Variants in UTRN observed in about 807,000 individuals in gnomAD.
UTRN encodes the protein utrophin.
A neutral mutation model predicts 463.9 loss-of-function variants in UTRN; 283 were observed. The observed-to-expected ratio is 0.61, with a 90% CI of 0.55 to 0.67. UTRN has a LOEUF of 0.67. UTRN is among the 30% of genes least tolerant of loss of function. The pLI, the probability that UTRN is intolerant of heterozygous loss-of-function variation, is 0.00. For missense variants in UTRN, 3,922 were observed against 4,084.3 expected (o/e 0.96, Z 1.08); for synonymous variants, 1,442 against 1,431.5 (o/e 1.01, Z -0.17).
chr6:144,342,824 A>G (rs982644163), intron 2 of UTRN, among the ~76,000 whole-genome samples: 1 of 152,230 alleles, frequency 6.6e-6, no homozygotes, highest in African/African-American at 2.4e-5. Context: ...TGAATTATAT[A>G]TCAATAAAGT....
At chr6:144,809,917 T>C (rs1388030603) in intron 65 of UTRN, among the ~76,000 whole-genome samples, 1 of 152,114 alleles carries the variant, frequency 6.6e-6, no homozygotes, top group East Asian at 1.9e-4. Context: ...AGCATACGAA[T>C]TGATTTAATA....
At chr6:144,651,942 G>A (rs1022103573) in intron 51 of UTRN, among the ~76,000 whole-genome samples, 3 of 152,108 alleles carry the variant, frequency 2.0e-5, no homozygotes, top group East Asian at 1.9e-4. Context: ...TGTATCCAAT[G>A]TGTAGTCTTT....
At chr6:144,670,544 A>G (rs544553560) in intron 51 of UTRN, among the ~76,000 whole-genome samples, 63 of 151,930 alleles carry the variant, frequency 4.1e-4, no homozygotes, top group Non-Finnish European at 6.3e-4. Flanking sequence ...TGCTGGATGC[A>G]TAGTTTGTGA....
chr6:144,342,342 TACACACAC>T (rs55809792), intron 2 of UTRN, among the ~76,000 whole-genome samples: 9,506 of 138,278 alleles, frequency 0.069, 966 homozygotes, highest in African/African-American at 0.23. Flanking sequence ...GGTACACACA[TACACACAC>T]ACACACACAC....
chr6:144,516,956 G>A lies in UTRN; in HGVS notation c.5541+8G>A. 1 of 1,457,866 alleles carries A rather than the reference G, an allele frequency of 6.9e-7. No individual in the cohort carries two copies. The allele number at this position is 1,457,866 out of a possible 1,614,324, so 90.3% of individuals were successfully genotyped here. A position where few individuals can be genotyped will look rare whatever the true frequency, so the allele number is the denominator to read the frequency against. On this transcript the variant is annotated splice_region_variant and intron_variant, in intron 39 of 74. Coordinates refer to ENST00000367545, the MANE Select transcript of UTRN (RefSeq NM_007124.3). ...AGATACAACAAAATTAAGGTATTAT[G>A]ATTGGAGAGTCTCTGTTGCATTTAA...
chr6:144,828,769 C>G (rs1484521329), intron 68 of UTRN, 21 bp from the exon 69 acceptor site: 1 of 1,612,368 alleles, frequency 6.2e-7, no homozygotes, highest in East Asian at 2.2e-5. Context: ...GTTGTCTAAC[C>G]TCCTTATTTT....
chr6:144,723,446 C>T (rs1225939264), intron 53 of UTRN, among the ~76,000 whole-genome samples: 1 of 152,148 alleles, frequency 6.6e-6, no homozygotes, highest in Non-Finnish European at 1.5e-5. Flanking sequence ...TTATTGAGTG[C>T]TTTCTATATA....
chr6:144,429,748 G>A lies in UTRN; in HGVS notation c.855+7G>A. 6.2e-7 allele frequency: 1 copy of A among 1,602,728 alleles called. No individual in the cohort carries two copies. Among genetic ancestry groups the A allele is most frequent in the Non-Finnish European group, 8.5e-7 (1 of 1,176,782 alleles). ...AGAGGCAATTAATATACAGGTACAG[G>A]TAACATTTTATTAAGATGTTTGGCT... On this transcript the variant is annotated splice_region_variant and intron_variant, in intron 9 of 74. Transcript: ENST00000367545.
At chr6:144,643,137 T>A (rs1268512388) in intron 51 of UTRN, among the ~76,000 whole-genome samples, 1 of 152,088 alleles carries the variant, frequency 6.6e-6, no homozygotes, top group African/African-American at 2.4e-5. Context: ...GAGAGAAAAG[T>A]TCAAGGCTAA....
chr6:144,590,881 T>C (rs970874479), intron 51 of UTRN, among the ~76,000 whole-genome samples: 22 of 106,046 alleles, frequency 2.1e-4, no homozygotes, highest in African/African-American at 1.0e-3. Flanking sequence ...CACACGCACA[T>C]GCACACACAC....
intron 59 of UTRN, among the ~76,000 whole-genome samples, chr6:144,773,775 C>G (rs1291664334): frequency 2.6e-5 from 4 of 152,174 alleles, no homozygotes; most frequent in Admixed American, 6.5e-5. Context: ...TTCCTTTCCT[C>G]TAGGGACAGG....
intron 2 of UTRN, among the ~76,000 whole-genome samples, chr6:144,355,880 T>A (rs1282920483): frequency 6.6e-6 from 1 of 152,220 alleles, no homozygotes; most frequent in Non-Finnish European, 1.5e-5. Context: ...ATTTATAAAT[T>A]TATAGATGAA....
intron 9 of UTRN, among the ~76,000 whole-genome samples, chr6:144,433,416 A>T (rs1436744843): frequency 2.7e-5 from 4 of 148,424 alleles, no homozygotes; most frequent in African/African-American, 1.0e-4. Flanking sequence ...GACGCTCCTC[A>T]CTTCCCAGAC....
chr6:144,608,009 C>A (rs1282765169), intron 51 of UTRN, among the ~76,000 whole-genome samples: 1 of 152,164 alleles, frequency 6.6e-6, no homozygotes, highest in African/African-American at 2.4e-5. Context: ...TCATTTTCAT[C>A]TCTCCACACT....
intron 29 of UTRN, 50 bp from the exon 30 acceptor site, chr6:144,488,623 T>G (rs549552577): frequency 6.3e-7 from 1 of 1,583,574 alleles, no homozygotes; most frequent in South Asian, 1.2e-5. Flanking sequence ...TATATTCTGC[T>G]ATTTATATTT....
At chr6:144,537,827 G>T in intron 44 of UTRN, 110 bp downstream of exon 44, 1 of 1,417,684 alleles carries the variant, frequency 7.1e-7, no homozygotes, top group Non-Finnish European at 9.5e-7. Context: ...TGTACTTTTT[G>T]GTAAATGTGG....
At chr6:144,340,732 G>A (rs958993755) in intron 2 of UTRN, among the ~76,000 whole-genome samples, 1 of 152,280 alleles carries the variant, frequency 6.6e-6, no homozygotes, top group African/African-American at 2.4e-5. Context: ...AACATAAATG[G>A]TCTATTGATT....
intron 64 of UTRN, among the ~76,000 whole-genome samples, chr6:144,799,806 G>A (rs967092869): frequency 2.6e-5 from 4 of 152,214 alleles, no homozygotes; most frequent in East Asian, 3.8e-4. Flanking sequence ...CCAGGCAGCC[G>A]ATTGTGCAGA....
intron 23 of UTRN, among the ~76,000 whole-genome samples, chr6:144,471,518 A>G (rs1790659630): frequency 6.6e-6 from 1 of 152,216 alleles, no homozygotes; most frequent in Non-Finnish European, 1.5e-5. Flanking sequence ...TTTTAAAGTC[A>G]TTTTATGAAC....
Sources: allele counts gnomAD v4.1 joint callset (sites outside exome capture counted in the v4.1 genomes callset), GRCh38; gene constraint gnomAD v4.1.1; transcripts MANE v1.5; gene names NCBI Gene and HGNC (gene_info 2026-07-23, HGNC 2026-07-21).